GABRB1: variants seen among roughly 807,000 people sequenced by gnomAD.
GABRB1 encodes gamma-aminobutyric acid type A receptor subunit beta1, also known as gamma-aminobutyric acid receptor subunit beta-1.
In GABRB1, 17 loss-of-function variants were observed where a neutral mutation model predicts 51.6. The observed-to-expected ratio is 0.33, with a 90% CI of 0.23 to 0.49. GABRB1 has a LOEUF of 0.49. Ranked by LOEUF, GABRB1 falls within the 20% of genes least tolerant of loss-of-function variation. GABRB1 has a pLI of 0.99. For synonymous variants in GABRB1, 247 were observed against 218.9 expected, an observed-to-expected ratio of 1.13 and a Z score of -1.14; for missense variants, 410 against 600.6, an observed-to-expected ratio of 0.68 and a Z score of 3.32.
At chr4:47,280,607 G>A (rs942758156) in intron 4 of GABRB1, among the ~76,000 whole-genome samples, 4 of 151,342 alleles carry the variant, frequency 2.6e-5, no homozygotes, top group African/African-American at 9.7e-5. Flanking sequence ...TTTTGTCTGA[G>A]AAAGTTTTTA....
At chr4:47,381,180 G>A (rs1464898833) in intron 5 of GABRB1, among the ~76,000 whole-genome samples, 1 of 152,116 alleles carries the variant, frequency 6.6e-6, no homozygotes, top group Non-Finnish European at 1.5e-5. Flanking sequence ...ACCCTTGGGA[G>A]CTAAGGAAGA....
intron 5 of GABRB1, among the ~76,000 whole-genome samples, chr4:47,330,933 T>C (rs1725457864): frequency 1.3e-5 from 2 of 152,142 alleles, no homozygotes; most frequent in South Asian, 4.1e-4. Flanking sequence ...TGCCAAATCA[T>C]TAGTTCTGAT....
At chr4:47,225,262 G>A (rs1720906913) in intron 4 of GABRB1, among the ~76,000 whole-genome samples, 1 of 152,154 alleles carries the variant, frequency 6.6e-6, no homozygotes, top group Non-Finnish European at 1.5e-5. Flanking sequence ...GAGGTTTCAG[G>A]AGTCCATGCC....
chr4:47,177,298 T>C (rs974292197), intron 4 of GABRB1, among the ~76,000 whole-genome samples: 3 of 152,088 alleles, frequency 2.0e-5, no homozygotes, highest in African/African-American at 2.4e-5. Context: ...AAAATAACTA[T>C]AGTTTTAAGT....
chr4:47,272,710 T>C (rs1326180767), intron 4 of GABRB1, among the ~76,000 whole-genome samples: 1 of 152,166 alleles, frequency 6.6e-6, no homozygotes, highest in Non-Finnish European at 1.5e-5. Flanking sequence ...ACAAACACTA[T>C]CCCACTACAT....
intron 5 of GABRB1, among the ~76,000 whole-genome samples, chr4:47,372,953 C>T (rs778763222): frequency 1.3e-5 from 2 of 152,200 alleles, no homozygotes; most frequent in Non-Finnish European, 2.9e-5. Flanking sequence ...TTGGGAGTCA[C>T]CAAACCTCTT....
At chr4:47,005,687 A>T (rs1029480197) in intron 1 of GABRB1, among the ~76,000 whole-genome samples, 2 of 148,470 alleles carry the variant, frequency 1.3e-5, no homozygotes, top group African/African-American at 5.0e-5. Context: ...CCTTTTGTCA[A>T]TCACAGAGAA....
chr4:47,199,379 A>T (rs1450948491), intron 4 of GABRB1, among the ~76,000 whole-genome samples: 1 of 152,100 alleles, frequency 6.6e-6, no homozygotes, highest in Non-Finnish European at 1.5e-5. Flanking sequence ...GAATATATGA[A>T]ATGTACGACT....
chr4:47,055,694 G>A (rs1489318315), intron 3 of GABRB1, among the ~76,000 whole-genome samples: 2 of 152,122 alleles, frequency 1.3e-5, no homozygotes, highest in Admixed American at 6.5e-5. Context: ...TTCTCAGCTA[G>A]AGATCAGGAA....
chr4:47,298,104 G>C (rs991046385), intron 4 of GABRB1, among the ~76,000 whole-genome samples: 4 of 152,066 alleles, frequency 2.6e-5, no homozygotes, highest in African/African-American at 9.7e-5. Flanking sequence ...AATAATAAGA[G>C]CTATCTATGA....
intron 3 of GABRB1, among the ~76,000 whole-genome samples, chr4:47,041,423 C>A (rs995088868): frequency 3.3e-5 from 5 of 151,804 alleles, no homozygotes; most frequent in South Asian, 2.1e-4. Flanking sequence ...TAGAAGAGGG[C>A]CCTTAGGTAG....
intron 5 of GABRB1, among the ~76,000 whole-genome samples, chr4:47,321,611 C>A (rs547795650): frequency 6.6e-6 from 1 of 152,094 alleles, no homozygotes; most frequent in African/African-American, 2.4e-5. Context: ...TATGTAAACC[C>A]AATCATATAC....
At chr4:47,066,510 A>C (rs1401861095) in intron 3 of GABRB1, among the ~76,000 whole-genome samples, 1 of 152,232 alleles carries the variant, frequency 6.6e-6, no homozygotes, top group Non-Finnish European at 1.5e-5. Flanking sequence ...TTTATCAACT[A>C]AGTTTATGGA....
chr4:47,278,988 C>G (rs892820362), intron 4 of GABRB1, among the ~76,000 whole-genome samples: 9 of 152,042 alleles, frequency 5.9e-5, no homozygotes, highest in African/African-American at 2.2e-4. Flanking sequence ...ATTTTTGTTA[C>G]TCTTATTTGC....
At chr4:47,415,273 T>C (rs930165924) in intron 8 of GABRB1, among the ~76,000 whole-genome samples, 1 of 152,196 alleles carries the variant, frequency 6.6e-6, no homozygotes, top group African/African-American at 2.4e-5. Flanking sequence ...GGAAGCACAG[T>C]CCTAGTTTCA....
chr4:47,177,297 A>G (rs530140997), intron 4 of GABRB1, among the ~76,000 whole-genome samples: 1 of 152,248 alleles, frequency 6.6e-6, no homozygotes, highest in Admixed American at 6.5e-5. Flanking sequence ...TAAAATAACT[A>G]TAGTTTTAAG....
At chr4:47,129,774 G>A (rs1577934817) in intron 3 of GABRB1, among the ~76,000 whole-genome samples, 2 of 152,104 alleles carry the variant, frequency 1.3e-5, no homozygotes, top group African/African-American at 2.4e-5. Context: ...TAGGAAGAGC[G>A]TTTCTCATGA....
chr4:47,092,876 G>T (rs1273959456), intron 3 of GABRB1, among the ~76,000 whole-genome samples: 3 of 152,132 alleles, frequency 2.0e-5, no homozygotes, highest in Non-Finnish European at 2.9e-5. Flanking sequence ...GCCTCCCAGA[G>T]TGTTGGGATT....
At chr4:47,209,262 G>A (rs1230627326) in intron 4 of GABRB1, among the ~76,000 whole-genome samples, 1 of 151,980 alleles carries the variant, frequency 6.6e-6, no homozygotes, top group Non-Finnish European at 1.5e-5. Flanking sequence ...ACTGAGCCTT[G>A]ACAGCATTCA....
Sources: gnomAD v4.1 joint callset for allele counts (sites outside exome capture counted in the v4.1 genomes callset) on GRCh38, gnomAD v4.1.1 for gene constraint, MANE v1.5 for transcripts, NCBI Gene and HGNC (gene_info 2026-07-23, HGNC 2026-07-21) for gene names.